The following TMEM71 variants were observed in gnomAD, a reference collection of about 807,000 sequenced individuals.
The protein encoded by TMEM71 is transmembrane protein 71.
In TMEM71, 44 loss-of-function variants were observed where a neutral mutation model predicts 38.0. The observed-to-expected ratio is 1.16, with a 90% confidence interval of 0.91 to 1.49. TMEM71 has a LOEUF of 1.49. Among genes scored for constraint, TMEM71 ranks in the 40% most tolerant of loss-of-function variants. The probability of loss-of-function intolerance (pLI) is 0.00; values close to 1 mark genes in which losing one functional copy is unlikely to be tolerated. For synonymous variants in TMEM71, 133 were observed against 122.5 expected (o/e 1.09, Z -0.56); for missense variants, 367 against 348.6 (o/e 1.05, Z -0.42).
chr8:132,751,863 C>T lies in TMEM71; in HGVS notation c.236G>A (p.Ser79Asn), dbSNP rs1293247895. ...TNGYYIWTED[S>N]FLCDKDGNIT... ...GTTGCCATCTTTGTCGCACAGGAAG[C>T]TGTCTTCAGTCCAAATATAGTAGCC... The change falls in exon 4 of 10, where the codon AGC (serine) becomes AAC (asparagine). Residue 79 changes from serine to asparagine, a missense_variant. Transcript: ENST00000677595. The T allele has an allele frequency of 6.2e-6, 10 of 1,613,924 alleles. No homozygotes were observed. Among genetic ancestry groups the T allele is most frequent in the Non-Finnish European group, 8.5e-6 (10 of 1,180,054 alleles).
intron 6 of TMEM71, among the ~76,000 whole-genome samples, chr8:132,724,030 A>C (rs1318044162): frequency 6.6e-6 from 1 of 152,072 alleles, no homozygotes; most frequent in African/African-American, 2.4e-5. Context: ...TTAAAAGGGG[A>C]GGGGGTGCAA....
the TMEM71 span, among the ~76,000 whole-genome samples, chr8:132,772,552 C>A: frequency 1.3e-5 from 2 of 152,156 alleles, no homozygotes; most frequent in Non-Finnish European, 2.9e-5. Flanking sequence ...GAGGAAATGA[C>A]ATCCTACCTG....
Position 132,727,672 on chromosome 8 carries a change from G to A in TMEM71, c.676+126C>T, listed in dbSNP as rs141567145. On this transcript the variant is annotated intron_variant, in intron 6 of 9. Coordinates refer to ENST00000677595, the MANE Select transcript of TMEM71 (RefSeq NM_001382403.1). Reference sequence around the variant, plus strand: ...ACCTGGGCTTTGGCAGAGGCCCCATGTCCTCCCTTCCTCGCACAGGTTGGT... The same window carrying A: ...ACCTGGGCTTTGGCAGAGGCCCCATATCCTCCCTTCCTCGCACAGGTTGGT... The A allele has an allele frequency of 8.3e-4, 647 of 776,102 alleles. 2 individuals are homozygous for A. The African/African-American group carries it at 0.01, about 12-fold the overall frequency. 48.1% of individuals were successfully genotyped at this position (776,102 alleles called of 1,614,324 possible). A position where few individuals can be genotyped will look rare whatever the true frequency, so the allele number is the denominator to read the frequency against.
At chr8:132,765,028 G>A, upstream of TMEM71, among the ~76,000 whole-genome samples, 1 of 152,126 alleles carries the variant, frequency 6.6e-6, no homozygotes, top group East Asian at 1.9e-4. Flanking sequence ...AGAAGGAGTT[G>A]GAAGCTAGCA....
At chr8:132,755,363 C>A (rs1024128135) in intron 3 of TMEM71, among the ~76,000 whole-genome samples, 2 of 152,200 alleles carry the variant, frequency 1.3e-5, no homozygotes, top group Non-Finnish European at 2.9e-5. Flanking sequence ...TTCTCTAGAT[C>A]TTGACTCTTG....
At chr8:132,759,678 G>A (rs971977032) in intron 1 of TMEM71, among the ~76,000 whole-genome samples, 1 of 152,194 alleles carries the variant, frequency 6.6e-6, no homozygotes, top group African/African-American at 2.4e-5. Context: ...TAAGGTAGGA[G>A]TAAATTATTT....
intron 7 of TMEM71, among the ~76,000 whole-genome samples, chr8:132,714,967 A>C (rs1212503838): frequency 6.6e-6 from 1 of 152,106 alleles, no homozygotes; most frequent in Admixed American, 6.5e-5. Context: ...ACAGATGTTC[A>C]ACATCATTCC....
the TMEM71 span, among the ~76,000 whole-genome samples, chr8:132,767,778 C>A: frequency 6.6e-6 from 1 of 152,142 alleles, no homozygotes; most frequent in African/African-American, 2.4e-5. Context: ...CCCGGCCTAG[C>A]TCTTCGTTTT....
intron 6 of TMEM71, among the ~76,000 whole-genome samples, chr8:132,724,770 CTT>C (rs1364443526): frequency 1.3e-5 from 2 of 152,184 alleles, no homozygotes; most frequent in African/African-American, 4.8e-5. Context: ...TCCATGAACT[CTT>C]CACAACTTAT....
At chr8:132,746,250 T>G (rs953247699) in intron 5 of TMEM71, among the ~76,000 whole-genome samples, 3 of 150,382 alleles carry the variant, frequency 2.0e-5, no homozygotes, top group African/African-American at 7.4e-5. Context: ...TATATACACA[T>G]ATTTACCTGT....
chr8:132,709,589 AAGAGG>A (rs1195762906), downstream of TMEM71, among the ~76,000 whole-genome samples: 1 of 152,092 alleles, frequency 6.6e-6, no homozygotes, highest in Admixed American at 6.6e-5. Context: ...TTTACTGCAG[AAGAGG>A]AGAAGGTGAT....
At chr8:132,741,341 C>G (rs1167008380) in intron 5 of TMEM71, among the ~76,000 whole-genome samples, 1 of 152,124 alleles carries the variant, frequency 6.6e-6, no homozygotes, top group Non-Finnish European at 1.5e-5. Flanking sequence ...CGGTGGGTCT[C>G]TCCCCATGTG....
chr8:132,753,544 C>G (rs2131189089), intron 3 of TMEM71, among the ~76,000 whole-genome samples: 1 of 152,240 alleles, frequency 6.6e-6, no homozygotes, highest in South Asian at 2.1e-4. Context: ...CAAACATTGT[C>G]CCGTCTCTGC....
At chr8:132,752,824 G>T (rs1225870763) in intron 3 of TMEM71, among the ~76,000 whole-genome samples, 1 of 125,798 alleles carries the variant, frequency 7.9e-6, no homozygotes, top group East Asian at 2.3e-4. Context: ...AGAAGGGAAG[G>T]AAGAAAGGAA....
At chr8:132,719,124 C>A (rs1289294282) in intron 7 of TMEM71, among the ~76,000 whole-genome samples, 1 of 152,100 alleles carries the variant, frequency 6.6e-6, no homozygotes, top group African/African-American at 2.4e-5. Context: ...TAATTGCTAC[C>A]CAGATCAAGA....
chr8:132,728,630 G>C (rs940381463), intron 5 of TMEM71, among the ~76,000 whole-genome samples: 1 of 152,214 alleles, frequency 6.6e-6, no homozygotes, highest in Non-Finnish European at 1.5e-5. Flanking sequence ...CATCTTCAAT[G>C]ACACTGAAGT....
intron 7 of TMEM71, among the ~76,000 whole-genome samples, chr8:132,714,812 T>A (rs1826414710): frequency 6.6e-6 from 1 of 152,132 alleles, no homozygotes; most frequent in Admixed American, 6.5e-5. Context: ...AAATTATGTA[T>A]CTAATCAAGG....
At chr8:132,721,647 A>G (rs1169504767) in intron 7 of TMEM71, among the ~76,000 whole-genome samples, 2 of 151,726 alleles carry the variant, frequency 1.3e-5, no homozygotes, top group East Asian at 3.9e-4. Flanking sequence ...CCCGGGTTCA[A>G]GCAATTCTCC....
intron 5 of TMEM71, among the ~76,000 whole-genome samples, chr8:132,740,350 C>G (rs1320154091): frequency 1.3e-5 from 2 of 152,216 alleles, no homozygotes; most frequent in African/African-American, 2.4e-5. Context: ...GAGGCCTTCT[C>G]TAACCATTTT....
Sources: allele counts gnomAD v4.1 joint callset (sites outside exome capture counted in the v4.1 genomes callset), GRCh38; gene constraint gnomAD v4.1.1; transcripts MANE v1.5; gene names NCBI Gene and HGNC (gene_info 2026-07-23, HGNC 2026-07-21).